Variants in ROBO2 observed in about 807,000 individuals in gnomAD.
The protein encoded by ROBO2 is roundabout guidance receptor 2, also known as roundabout homolog 2.
A neutral mutation model predicts 160.8 loss-of-function variants in ROBO2; 53 were observed. That is an observed-to-expected ratio of 0.33 (90% CI 0.26 to 0.41). The LOEUF is 0.41. Ranked by LOEUF, ROBO2 falls within the 10% of genes least tolerant of loss-of-function variation. The pLI is 1.00. For missense variants in ROBO2, 1,577 were observed against 1,722.4 expected (o/e 0.92, Z 1.49); for synonymous variants, 664 against 611.7 (o/e 1.09, Z -1.26).
chr3:76,261,168 A>ATGTGTGTGTGTGTGTGTG (rs66742168), intron 2 of ROBO2, among the ~76,000 whole-genome samples: 1 of 122,742 alleles, frequency 8.1e-6, no homozygotes, highest in Non-Finnish European at 1.9e-5. Flanking sequence ...AAACTAAATT[A>ATGTGTGTGTGTGTGTGTG]TGTGTGTGTG....
At chr3:76,366,681 A>G (rs1047730087) in intron 2 of ROBO2, among the ~76,000 whole-genome samples, 4 of 152,158 alleles carry the variant, frequency 2.6e-5, no homozygotes, top group Admixed American at 1.3e-4. Context: ...TGTAGAAAGC[A>G]CATATTATGA....
At chr3:76,343,199 C>T (rs2074332981) in intron 2 of ROBO2, among the ~76,000 whole-genome samples, 1 of 152,006 alleles carries the variant, frequency 6.6e-6, no homozygotes, top group Non-Finnish European at 1.5e-5. Context: ...TTGAATAAAA[C>T]TCTCACAGAC....
chr3:76,884,936 A>G (rs2073726718), intron 2 of ROBO2, among the ~76,000 whole-genome samples: 1 of 152,126 alleles, frequency 6.6e-6, no homozygotes, highest in Non-Finnish European at 1.5e-5. Context: ...GAAGACACAG[A>G]GGAGAGATGG....
intron 2 of ROBO2, among the ~76,000 whole-genome samples, chr3:76,714,448 A>G (rs1388982457): frequency 2.0e-5 from 3 of 152,200 alleles, no homozygotes; most frequent in Non-Finnish European, 2.9e-5. Context: ...GCCAGGACTA[A>G]AGAGGAAGTT....
intron 5 of ROBO2, among the ~76,000 whole-genome samples, chr3:77,511,469 T>G (rs2089388122): frequency 6.6e-6 from 1 of 152,014 alleles, no homozygotes; most frequent in African/African-American, 2.4e-5. Context: ...CTAGTTACCT[T>G]ATGAGCTGAA....
At chr3:76,196,057 C>G (rs188296857) in intron 2 of ROBO2, among the ~76,000 whole-genome samples, 4 of 152,268 alleles carry the variant, frequency 2.6e-5, no homozygotes, top group African/African-American at 7.2e-5. Flanking sequence ...TTGTCACAGA[C>G]AAGGAGCCTG....
chr3:77,638,748 T>A (rs1004701434), intron 24 of ROBO2, among the ~76,000 whole-genome samples: 1 of 151,442 alleles, frequency 6.6e-6, no homozygotes, highest in Non-Finnish European at 1.5e-5. Flanking sequence ...CTAAAAAAGA[T>A]AGATCTGTCT....
intron 2 of ROBO2, among the ~76,000 whole-genome samples, chr3:75,941,243 G>A (rs370022434): frequency 3.3e-5 from 5 of 152,130 alleles, no homozygotes; most frequent in African/African-American, 4.8e-5. Context: ...GGCATGAGCC[G>A]TTGCATCTGG....
chr3:75,938,978 A>G (rs1270139606), intron 2 of ROBO2, among the ~76,000 whole-genome samples: 1 of 152,182 alleles, frequency 6.6e-6, no homozygotes, highest in Non-Finnish European at 1.5e-5. Context: ...ATATGTAGAC[A>G]GTAGCCACGT....
intron 2 of ROBO2, among the ~76,000 whole-genome samples, chr3:76,957,426 T>C (rs914004688): frequency 6.6e-6 from 1 of 152,136 alleles, no homozygotes; most frequent in African/African-American, 2.4e-5. Context: ...AGCATTTAGA[T>C]TGACGCTATC....
chr3:77,098,503 G>C (rs1302058347), intron 2 of ROBO2, among the ~76,000 whole-genome samples, 163 bp downstream of exon 2: 1 of 152,130 alleles, frequency 6.6e-6, no homozygotes, highest in East Asian at 1.9e-4. Flanking sequence ...TATCAAGCCA[G>C]GGTGTTGTAG....
Position 77,292,125 on chromosome 3 carries a change from C to T in ROBO2, c.389-185289C>T, listed in dbSNP as rs56840824. 4.7e-3 allele frequency among the ~76,000 whole-genome samples: 699 copies of T among 148,358 alleles called. 10 individuals carry two copies. Among genetic ancestry groups the T allele is most frequent in the African/African-American group, 0.017 (672 of 39,932 alleles). On this transcript the variant is annotated intron_variant, in intron 2 of 25. Transcript: ENST00000461745. ...AACGGGTAAGCTGAGGCTAGATCACCCCAGACATAAAGTAAAATTGATGGT... is the reference window on the plus strand; with the variant it reads ...AACGGGTAAGCTGAGGCTAGATCACTCCAGACATAAAGTAAAATTGATGGT...
At chr3:76,666,443 T>G (rs902725041) in intron 2 of ROBO2, among the ~76,000 whole-genome samples, 1 of 152,154 alleles carries the variant, frequency 6.6e-6, no homozygotes, top group African/African-American at 2.4e-5. Flanking sequence ...CATGACATAG[T>G]TTCATTTTTA....
chr3:77,232,549 T>C (rs1032718042), intron 2 of ROBO2, among the ~76,000 whole-genome samples: 4 of 152,226 alleles, frequency 2.6e-5, no homozygotes, highest in African/African-American at 9.6e-5. Context: ...GGCTCTGATA[T>C]GCTTGAGATA....
chr3:76,123,494 G>A (rs9822381), intron 2 of ROBO2, among the ~76,000 whole-genome samples: 2,038 of 152,032 alleles, frequency 0.013, 47 homozygotes, highest in African/African-American at 0.046. Flanking sequence ...TTCATGGGAT[G>A]TTTTTTTCTT....
intron 2 of ROBO2, among the ~76,000 whole-genome samples, chr3:77,428,339 A>T (rs113210650): frequency 0.092 from 9,727 of 105,516 alleles, 476 homozygotes; most frequent in African/African-American, 0.14. Context: ...CTTAGGTAAT[A>T]TTTTTTTTTT....
At chr3:76,147,839 G>C (rs1446523606) in intron 2 of ROBO2, among the ~76,000 whole-genome samples, 3 of 152,042 alleles carry the variant, frequency 2.0e-5, no homozygotes, top group Non-Finnish European at 4.4e-5. Flanking sequence ...TGGTGATTAA[G>C]CTTCTTGTGG....
chr3:76,929,315 C>T (rs537928258), intron 2 of ROBO2, among the ~76,000 whole-genome samples: 2 of 152,190 alleles, frequency 1.3e-5, no homozygotes, highest in Non-Finnish European at 2.9e-5. Flanking sequence ...TGAGTTCTGC[C>T]TTGTGCCCAT....
chr3:77,573,821 A>C (rs2093695883), intron 13 of ROBO2, among the ~76,000 whole-genome samples: 1 of 150,548 alleles, frequency 6.6e-6, no homozygotes, highest in African/African-American at 2.4e-5. Context: ...AGCTCTTGGC[A>C]CCTCTCATTC....
Sources: gnomAD v4.1 joint callset for allele counts (sites outside exome capture counted in the v4.1 genomes callset) on GRCh38, gnomAD v4.1.1 for gene constraint, MANE v1.5 for transcripts, NCBI Gene and HGNC (gene_info 2026-07-23, HGNC 2026-07-21) for gene names.